The following CACNA1I variants were observed in gnomAD, a reference collection of about 807,000 sequenced individuals.
The protein encoded by CACNA1I is calcium voltage-gated channel subunit alpha1 I.
In CACNA1I, 74 loss-of-function variants were observed where a neutral mutation model predicts 201.6. The observed-to-expected ratio is 0.37, with a 90% confidence interval of 0.30 to 0.45. The LOEUF is 0.45. Among genes scored for constraint, CACNA1I ranks in the 20% least tolerant of loss-of-function variants. CACNA1I has a pLI of 1.00. For synonymous variants in CACNA1I, 1,431 were observed against 1,345.2 expected (o/e 1.06, Z -1.40); for missense variants, 2,346 against 3,138.1 (o/e 0.75, Z 6.03).
intron 1 of CACNA1I, among the ~76,000 whole-genome samples, chr22:39,588,548 G>T (rs554266453): frequency 2.0e-5 from 3 of 151,788 alleles, no homozygotes; most frequent in Non-Finnish European, 4.4e-5. Flanking sequence ...ACCACGCCCG[G>T]CTTATTTTTT....
At position 39,658,185 on chromosome 22, in the gene CACNA1I, A is replaced by C; in HGVS notation, c.2026A>C (p.Asn676His). 1 of 1,613,980 alleles carries C rather than the reference A, an allele frequency of 6.2e-7. No individual in the cohort carries two copies. The highest frequency in any genetic ancestry group is 8.5e-7 in the Non-Finnish European group (1 of 1,179,862). Residue 676 changes from asparagine (N) to histidine (H), a missense_variant, in exon 11 of 37, where the codon AAT (asparagine) becomes CAT (histidine). Physicochemically the swap from Asn to His is moderately conservative, Grantham distance 68. This residue lies in a region of CACNA1I where 155 missense variants were observed against 300.8 expected (regional missense o/e 0.52). Coordinates refer to ENST00000402142, the MANE Select transcript of CACNA1I (RefSeq NM_021096.4). Reference protein sequence around the residue: ...EELTNILEICNVVFTSMFALE... With the variant: ...EELTNILEICHVVFTSMFALE... Reference sequence around the variant, plus strand: ...GCTGACCAACATCCTGGAGATCTGCAATGTGGTCTTCACCAGCATGTTTGC... The same window carrying C: ...GCTGACCAACATCCTGGAGATCTGCCATGTGGTCTTCACCAGCATGTTTGC...
intron 3 of CACNA1I, among the ~76,000 whole-genome samples, chr22:39,610,606 G>A (rs745328802): frequency 6.6e-5 from 10 of 152,282 alleles, no homozygotes; most frequent in Admixed American, 2.0e-4. Context: ...TCTCTGTTAC[G>A]TGGGACAGAA....
intron 4 of CACNA1I, among the ~76,000 whole-genome samples, chr22:39,631,939 G>A (rs1049079942): frequency 1.3e-5 from 2 of 152,040 alleles, no homozygotes; most frequent in African/African-American, 4.8e-5. Flanking sequence ...TTATGCCAGG[G>A]CTCTGTGGCC....
chr22:39,684,358 G>A lies in CACNA1I; in HGVS notation c.5887G>A (p.Glu1963Lys), dbSNP rs750553104. ...CAGCCCTCTCCTGCCCATGCCAGCC[G>A]AGTTCTTCCACCCTGCAGTGTCTGC... ...ASSPLLPMPA[E>K]FFHPAVSASQ... The change falls in exon 36 of 37, where the codon GAG becomes AAG. Residue 1963 changes from glutamate to lysine, a missense_variant. By Grantham distance (56) the Glu-to-Lys change is moderately conservative (BLOSUM62 1). Transcript: ENST00000402142. This position sits in a 1 kb window ranked among gnomAD's most constrained non-coding sequence, Gnocchi z 4.6. The A allele has an allele frequency of 5.4e-5, 87 of 1,613,372 alleles. No individual in the cohort carries two copies. Among genetic ancestry groups the A allele is most frequent in the Non-Finnish European group, 6.7e-5 (79 of 1,179,796 alleles).
chr22:39,616,815 A>T (rs535989001), intron 3 of CACNA1I, among the ~76,000 whole-genome samples: 1 of 151,826 alleles, frequency 6.6e-6, no homozygotes, highest in Non-Finnish European at 1.5e-5. Context: ...ACTCTTTGTC[A>T]TCAAGGGGCT....
Position 39,670,091 on chromosome 22 carries a change from C to T in CACNA1I, c.4248C>T (p.Leu1416=). ...WMLLYFISFL[L]IVSFFVLNMF... is the part of the protein sequence containing the mutation. ...TGCTGTACTTCATCTCCTTCCTGCT[C>T]ATCGTCAGCTTCTTTGTGCTCAACA... Residue 1416 remains leucine, a synonymous_variant, in exon 25 of 37, where the codon CTC becomes CTT. Transcript: ENST00000402142. The T allele has an allele frequency of 6.2e-7, 1 of 1,613,572 alleles. No homozygotes were observed. Among genetic ancestry groups the T allele is most frequent in the Non-Finnish European group, 8.5e-7 (1 of 1,179,888 alleles).
intron 1 of CACNA1I, among the ~76,000 whole-genome samples, chr22:39,576,004 A>T (rs1444040065): frequency 6.6e-6 from 1 of 152,052 alleles, no homozygotes; most frequent in South Asian, 2.1e-4. Context: ...TGAACTCCTG[A>T]CCTCAAGTGA....
chr22:39,599,648 A>C (rs1321683074), intron 2 of CACNA1I, among the ~76,000 whole-genome samples: 2 of 126,190 alleles, frequency 1.6e-5, no homozygotes, highest in East Asian at 4.8e-4. Flanking sequence ...AAAAAAAAAA[A>C]TCCAGACCCC....
intron 4 of CACNA1I, among the ~76,000 whole-genome samples, chr22:39,633,699 G>C (rs1326541065): frequency 6.6e-6 from 1 of 152,270 alleles, no homozygotes; most frequent in Non-Finnish European, 1.5e-5. Context: ...ACTGCAAATT[G>C]AGAGAGGTAT....
rs759052695 is a variant in CACNA1I at position 39,665,461 on chromosome 22, A to G, written c.3852-37A>G. 6.2e-6 allele frequency: 10 copies of G among 1,611,130 alleles called. No homozygotes were observed. In the South Asian group the frequency reaches 6.6e-5, roughly 11 times the overall value. ...GTAGGGGCTGCCTCCTGGCCTGGCC[A>G]AGGGATTATGTGTGCCTGGCCTCTC... On this transcript the variant is annotated intron_variant, in intron 21 of 36. Coordinates refer to ENST00000402142, the MANE Select transcript of CACNA1I (RefSeq NM_021096.4). This position sits in a 1 kb window ranked among gnomAD's most constrained non-coding sequence, Gnocchi z 5.5.
Position 39,620,644 on chromosome 22 carries a change from T to C in CACNA1I, c.580+1237T>C, listed in dbSNP as rs559845761. 2.4e-3 allele frequency among the ~76,000 whole-genome samples: 361 copies of C among 152,332 alleles called. 2 individuals are homozygous for C. The highest frequency in any genetic ancestry group is 3.6e-3 in the Non-Finnish European group (243 of 68,024). ...GCAAAGGCTGGAGTCAGTTAGGTCT[T>C]CTGACTCCTCACTGCTCTCTTCTAG... is the stretch of plus-strand genomic sequence containing the variant. On this transcript the variant is annotated intron_variant, in intron 4 of 36. Coordinates refer to ENST00000402142, the MANE Select transcript of CACNA1I (RefSeq NM_021096.4).
chr22:39,616,062 C>T lies in CACNA1I; in HGVS notation c.483-3248C>T, dbSNP rs546557064. On this transcript the variant is annotated intron_variant, in intron 3 of 36. Transcript: ENST00000402142. Reference sequence around the variant, plus strand: ...TCAGGGGAATTTGGGGAATGTTTGCCGCAGACATAGACTGCAGGTGTGTTC... The same window carrying T: ...TCAGGGGAATTTGGGGAATGTTTGCTGCAGACATAGACTGCAGGTGTGTTC... Among the ~76,000 whole-genome samples, 319 of 152,270 alleles carry T rather than the reference C, an allele frequency of 2.1e-3. 1 individual carries two copies. Among genetic ancestry groups the T allele is most frequent in the African/African-American group, 7.1e-3 (293 of 41,552 alleles).
chr22:39,654,237 C>G (rs953473504), intron 10 of CACNA1I, among the ~76,000 whole-genome samples: 2 of 152,204 alleles, frequency 1.3e-5, no homozygotes, highest in Non-Finnish European at 2.9e-5. Flanking sequence ...GACAGTTGAA[C>G]TGGAGGAAGG....
In CACNA1I at chr22:39,660,036, C is replaced by T. The variant is rs117924655; in HGVS notation, c.2604+184C>T. Among the ~76,000 whole-genome samples the T allele has an allele frequency of 1.8e-4, 28 of 152,218 alleles. No homozygotes were observed. In the East Asian group the frequency reaches 5.0e-3, roughly 27 times the overall value. ...ATAGGAAGCATGCAAATGGAGACTG[C>T]GTCTGCCATCCCTGCTCCCCCCCAG... On this transcript the variant is annotated intron_variant, in intron 14 of 36. Coordinates refer to ENST00000402142, the MANE Select transcript of CACNA1I (RefSeq NM_021096.4).
At chr22:39,632,295 CT>C (rs1328338161) in intron 4 of CACNA1I, among the ~76,000 whole-genome samples, 1 of 152,142 alleles carries the variant, frequency 6.6e-6, no homozygotes, top group Non-Finnish European at 1.5e-5. Context: ...CTCGCCCATT[CT>C]TTTTTGAAGC....
chr22:39,575,637 C>A (rs371731523), intron 1 of CACNA1I, among the ~76,000 whole-genome samples: 3 of 152,138 alleles, frequency 2.0e-5, no homozygotes, highest in African/African-American at 7.2e-5. Flanking sequence ...GCCATGCCCC[C>A]CATCAGTGCA....
chr22:39,603,248 C>T (rs934211803), intron 3 of CACNA1I, among the ~76,000 whole-genome samples: 3 of 151,852 alleles, frequency 2.0e-5, no homozygotes, highest in Non-Finnish European at 4.4e-5. Context: ...CTGTCTCCTT[C>T]TGGAATTCAT....
At chr22:39,631,168 C>T (rs1263079800) in intron 4 of CACNA1I, among the ~76,000 whole-genome samples, 1 of 152,192 alleles carries the variant, frequency 6.6e-6, no homozygotes, top group Admixed American at 6.5e-5. Flanking sequence ...CCACTGTCCC[C>T]TCTGTAGATG....
chr22:39,580,334 A>G (rs1404125227), intron 1 of CACNA1I, among the ~76,000 whole-genome samples: 2 of 152,186 alleles, frequency 1.3e-5, no homozygotes, highest in African/African-American at 4.8e-5. Flanking sequence ...CACCATTCCC[A>G]GGGATGCTCA....
Sources: gnomAD v4.1 joint callset for allele counts (sites outside exome capture counted in the v4.1 genomes callset) on GRCh38, gnomAD v4.1.1 for gene constraint, gnomAD v4.1.1 regional missense constraint, Gnocchi (gnomAD v3.1) non-coding constraint, MANE v1.5 for transcripts, NCBI Gene and HGNC (gene_info 2026-07-23, HGNC 2026-07-21) for gene names.